Variants in PLEKHG5 observed in about 807,000 individuals in gnomAD.
PLEKHG5 encodes pleckstrin homology and RhoGEF domain containing G5.
In PLEKHG5, 52 loss-of-function variants were observed where a neutral mutation model predicts 103.8. The ratio of observed to expected loss-of-function variants is 0.50; its 90% CI spans 0.40 to 0.63. The LOEUF (loss-of-function observed/expected upper bound fraction) is 0.63. Ranked by LOEUF, PLEKHG5 falls within the 30% of genes least tolerant of loss-of-function variation. The probability of loss-of-function intolerance (pLI) is 0.00; values close to 1 mark genes in which losing one functional copy is unlikely to be tolerated. For missense variants in PLEKHG5, 1,205 were observed against 1,347.6 expected (o/e 0.89, Z 1.66); for synonymous variants, 592 against 575.5 (o/e 1.03, Z -0.41).
chr1:6,512,019 T>C (rs4243828), intron 1 of PLEKHG5, among the ~76,000 whole-genome samples: 148,355 of 152,320 alleles, frequency 0.97, 72,364 homozygotes, highest in East Asian at 1. Context: ...TCTGCCGGTG[T>C]CCTATGTATT....
rs906769696 is a variant in PLEKHG5, at chr1:6,490,691, A to T, written c.-88+946T>A. 4.9e-5 allele frequency: 38 copies of T among 779,748 alleles called. No individual in the cohort carries two copies. Among genetic ancestry groups the T allele is most frequent in the Middle Eastern group, 1.3e-3 (2 of 1,530 alleles). The allele number at this position is 779,748 out of a possible 1,614,324, so 48.3% of individuals were successfully genotyped here. A position where few individuals can be genotyped will look rare whatever the true frequency, so the allele number is the denominator to read the frequency against. ...TGGGACCGGGGAGAGGAGGGGTCCC[A>T]GGAAGGGCCCCGCGCCGGAGCCAGG... On this transcript the variant is annotated intron_variant, in intron 1 of 20. Coordinates refer to ENST00000377728, the MANE Select transcript of PLEKHG5 (RefSeq NM_020631.6). The surrounding 1 kb of genome is among the most constrained non-coding windows in gnomAD (Gnocchi z 8.0).
At position 6,472,939 on chromosome 1, in the gene PLEKHG5, TC is replaced by T. The variant is rs767051356; in HGVS notation, c.984+46del. On this transcript the variant is annotated intron_variant, in intron 9 of 20. Coordinates refer to ENST00000377728, the MANE Select transcript of PLEKHG5 (RefSeq NM_020631.6). ...GATCACTGGGTCCTCCCGAGGGCTGTCCTCCTTTCGGGACAAGGAGGGAGCA... is the reference window on the plus strand; with the variant it reads ...GATCACTGGGTCCTCCCGAGGGCTGTCTCCTTTCGGGACAAGGAGGGAGCA... 4 of 1,569,424 alleles carry T rather than the reference TC, an allele frequency of 2.5e-6. No homozygotes were observed. The South Asian group carries it at 4.4e-5, about 17-fold the overall frequency.
chr1:6,471,937 TAAG>T, intron 10 of PLEKHG5, 129 bp from the exon 11 acceptor site: 1 of 922,700 alleles, frequency 1.1e-6, no homozygotes, highest in Non-Finnish European at 1.7e-6. Context: ...CAGCCACGGA[TAAG>T]AAGGCTGTAC....
At chr1:6,507,131 T>C (rs1254724784) in intron 1 of PLEKHG5, among the ~76,000 whole-genome samples, 3 of 152,006 alleles carry the variant, frequency 2.0e-5, no homozygotes, top group Non-Finnish European at 4.4e-5. Flanking sequence ...AGCTAGAAAA[T>C]AGCAACTCAA....
chr1:6,518,149 G>A (rs1004641175), intron 1 of PLEKHG5, among the ~76,000 whole-genome samples: 5 of 151,448 alleles, frequency 3.3e-5, no homozygotes, highest in South Asian at 2.1e-4. Context: ...AGCCAGGATG[G>A]TCTTGATCTC....
intron 1 of PLEKHG5, among the ~76,000 whole-genome samples, chr1:6,509,230 A>G (rs1638409738): frequency 6.6e-6 from 1 of 152,038 alleles, no homozygotes; most frequent in South Asian, 2.1e-4. Context: ...AGACCCTAAG[A>G]TTTGCCTCTC....
intron 1 of PLEKHG5, among the ~76,000 whole-genome samples, chr1:6,479,993 G>A (rs1001322964): frequency 6.6e-6 from 1 of 152,106 alleles, no homozygotes; most frequent in Admixed American, 6.6e-5. Flanking sequence ...TCCTCAGAAA[G>A]TTTCAAACTG....
rs1208771525 is a variant in PLEKHG5, at chr1:6,473,191, G to A, written c.796-17C>T. 2 of 1,612,608 alleles carry A rather than the reference G, an allele frequency of 1.2e-6. No homozygotes were observed. The highest frequency in any genetic ancestry group is 1.7e-6 in the Non-Finnish European group (2 of 1,179,168). On this transcript the variant is annotated splice_polypyrimidine_tract_variant and intron_variant, in intron 8 of 20. Transcript: ENST00000377728. ...GTCTACCTCCTGGAAAGATACCCTG[G>A]TCAGGGTCAGGGGTCATGGCCAGCC...
At chr1:6,518,348 G>T (rs1195032770) in intron 1 of PLEKHG5, among the ~76,000 whole-genome samples, 13 of 151,370 alleles carry the variant, frequency 8.6e-5, no homozygotes, top group Admixed American at 6.6e-4. Flanking sequence ...ATCACCTGAG[G>T]TTGGGAGTTC....
chr1:6,479,264 TGGTTATGTCTG>T (rs1644840062), intron 1 of PLEKHG5, among the ~76,000 whole-genome samples: 1 of 151,862 alleles, frequency 6.6e-6, no homozygotes, highest in Non-Finnish European at 1.5e-5. Context: ...ACGTGGCATT[TGGTTATGTCTG>T]TTTATCCTTT....
At chr1:6,514,420 C>A (rs1638558872) in intron 1 of PLEKHG5, among the ~76,000 whole-genome samples, 1 of 151,706 alleles carries the variant, frequency 6.6e-6, no homozygotes. Flanking sequence ...TGCCACTGCA[C>A]TCCAGCCTTG....
chr1:6,498,909 C>T (rs1307772124), upstream of PLEKHG5, among the ~76,000 whole-genome samples: 1 of 152,228 alleles, frequency 6.6e-6, no homozygotes, highest in Non-Finnish European at 1.5e-5. Flanking sequence ...TGGCGAGGTC[C>T]CTGCCTGCTG....
chr1:6,470,449 TG>T, intron 15 of PLEKHG5, 56 bp downstream of exon 15: 1 of 1,611,494 alleles, frequency 6.2e-7, no homozygotes, highest in Non-Finnish European at 8.5e-7. Flanking sequence ...AGCCCCTGCC[TG>T]CCAGCTGGGC....
chr1:6,467,664 C>T lies in PLEKHG5; in HGVS notation c.3012-92G>A, dbSNP rs796157699. 12 of 1,480,130 alleles carry T rather than the reference C, an allele frequency of 8.1e-6. No homozygotes were observed. In the African/African-American group the frequency reaches 1.7e-4, roughly 20 times the overall value. 91.7% of individuals were successfully genotyped at this position (1,480,130 alleles called of 1,614,324 possible). On this transcript the variant is annotated intron_variant, in intron 20 of 20. Transcript: ENST00000377728. ...TCTCTTCCCCACGGCACTCCTCAGG[C>T]CCCTTCACTGCTGCCCACCACAGCC...
rs374594401 is a variant in PLEKHG5 at position 6,468,151 on chromosome 1, G to C, written c.2685C>G (p.Pro895=). Residue 895 remains proline (P), a synonymous_variant, in exon 20 of 21, where the codon CCC becomes CCG. Coordinates refer to ENST00000377728, the MANE Select transcript of PLEKHG5 (RefSeq NM_020631.6). Reference sequence around the variant, plus strand: ...CTGACAGGCTGCGGCTGGGGGCAGAGGGTGTCCCATGGGTGCCAGCCCCTG... The same window carrying C: ...CTGACAGGCTGCGGCTGGGGGCAGACGGTGTCCCATGGGTGCCAGCCCCTG... ...LLAGAGTHGT[P]SAPSRSLSEL... 6.4e-7 allele frequency: 1 copy of C among 1,571,442 alleles called. No homozygotes were observed. The highest frequency in any genetic ancestry group is 8.6e-7 in the Non-Finnish European group (1 of 1,157,934).
In PLEKHG5 at chr1:6,467,509, G is replaced by A. The variant is rs1644415825; in HGVS notation, c.*54C>T. 2 of 1,586,198 alleles carry A rather than the reference G, an allele frequency of 1.3e-6. No individual in the cohort carries two copies. Among genetic ancestry groups the A allele is most frequent in the South Asian group, 1.1e-5 (1 of 90,532 alleles). On this transcript the variant is annotated 3_prime_UTR_variant, in exon 21 of 21. Transcript: ENST00000377728. ...AAGCAGGTGCCGGCACGCCCCAGGA[G>A]GCAGGCTGTCTGCTGTCTCTTGGTC... is the stretch of plus-strand genomic sequence containing the variant.
At chr1:6,496,812 A>G, upstream of PLEKHG5, 1 of 565,896 alleles carries the variant, frequency 1.8e-6, no homozygotes. Context: ...CTTTGGAAAT[A>G]CGCTGCTCTC....
upstream of PLEKHG5, among the ~76,000 whole-genome samples, chr1:6,493,472 A>G (rs889400808): frequency 7.9e-5 from 12 of 152,334 alleles, no homozygotes; most frequent in Middle Eastern, 3.4e-3. Flanking sequence ...TCTGACGATC[A>G]TGCTGTGTGA....
rs750213271 is a variant in PLEKHG5 at position 6,470,690 on chromosome 1, G to C, written c.1542+45C>G. 3.2e-6 allele frequency: 5 copies of C among 1,553,220 alleles called. No homozygotes were observed. The South Asian group carries it at 5.9e-5, about 18-fold the overall frequency. ...TCAGGTCCAGGGTCATGACGGAGCA[G>C]AGAGCCGCGCAGGGGGGACGGCTCC... is the stretch of plus-strand genomic sequence containing the variant. On this transcript the variant is annotated intron_variant, in intron 14 of 20. Coordinates refer to ENST00000377728, the MANE Select transcript of PLEKHG5 (RefSeq NM_020631.6).
Sources: allele counts gnomAD v4.1 joint callset (sites outside exome capture counted in the v4.1 genomes callset), GRCh38; gene constraint gnomAD v4.1.1; non-coding constraint Gnocchi (gnomAD v3.1); transcripts MANE v1.5; gene names NCBI Gene and HGNC (gene_info 2026-07-23, HGNC 2026-07-21).